CNTRL: variants seen among roughly 807,000 people sequenced by gnomAD.
CNTRL encodes the protein 110 kDa centrosomal protein.
Under a neutral mutation model 303.7 loss-of-function variants are expected in CNTRL, and 233 were observed. That is an observed-to-expected ratio of 0.77 (90% CI 0.69 to 0.86). CNTRL has a LOEUF of 0.86. Ranked by LOEUF, CNTRL falls within the 40% of genes least tolerant of loss-of-function variation. The pLI is 0.00. For missense variants in CNTRL, 2,524 were observed against 2,650.6 expected, an observed-to-expected ratio of 0.95 and a Z score of 1.05; for synonymous variants, 900 against 922.2, an observed-to-expected ratio of 0.98 and a Z score of 0.44.
intron 26 of CNTRL, among the ~76,000 whole-genome samples, chr9:121,153,590 C>T (rs1435576364): frequency 6.6e-6 from 1 of 152,150 alleles, no homozygotes; most frequent in African/African-American, 2.4e-5. Flanking sequence ...CTGGGGAGCC[C>T]AGGAGCTCCT....
intron 23 of CNTRL, among the ~76,000 whole-genome samples, chr9:121,147,051 G>A (rs891194529): frequency 2.6e-5 from 4 of 152,216 alleles, no homozygotes; most frequent in Non-Finnish European, 5.9e-5. Flanking sequence ...CCCCCAGGCT[G>A]GAGTGCAGTG....
chr9:121,115,693 T>C (rs1325600505), intron 11 of CNTRL, among the ~76,000 whole-genome samples: 2 of 152,220 alleles, frequency 1.3e-5, no homozygotes, highest in Non-Finnish European at 2.9e-5. Flanking sequence ...ATGATGTAAT[T>C]GCATAGGGGC....
At position 121,151,387 on chromosome 9, in the gene CNTRL, C is replaced by CT. The variant is rs71370632; in HGVS notation, c.3963+925dup. Among the ~76,000 whole-genome samples, 326 of 90,414 alleles carry CT rather than the reference C, an allele frequency of 3.6e-3. 6 individuals carry two copies. Among genetic ancestry groups the CT allele is most frequent in the African/African-American group, 8.3e-3 (204 of 24,520 alleles). The allele number at this position is 90,414 out of a possible 152,430, so 59.3% of individuals were successfully genotyped here. ...TACTTCCTTTTTCTTTTTTCTTCTTCTTTTTTTTTTTTTTTTTTTTTGAGA... is the reference window on the plus strand; with the variant it reads ...TACTTCCTTTTTCTTTTTTCTTCTTCTTTTTTTTTTTTTTTTTTTTTTGAGA... On this transcript the variant is annotated intron_variant, in intron 25 of 43. Coordinates refer to ENST00000373855, the MANE Select transcript of CNTRL (RefSeq NM_007018.6).
intron 12 of CNTRL, chr9:121,121,825 G>C: frequency 4.1e-6 from 4 of 985,438 alleles, no homozygotes; most frequent in Non-Finnish European, 4.8e-6. Flanking sequence ...GCTCGGAGGC[G>C]CTTGCAAAAA....
intron 43 of CNTRL, among the ~76,000 whole-genome samples, chr9:121,175,682 C>G (rs1303884169): frequency 6.6e-6 from 1 of 152,174 alleles, no homozygotes; most frequent in African/African-American, 2.4e-5. Context: ...GCCTTCAACT[C>G]TCTGAAAAAC....
In CNTRL at chr9:121,138,683, G is replaced by A. The variant is rs943432433; in HGVS notation, c.2337+4G>A. The A allele has an allele frequency of 1.9e-6, 3 of 1,612,606 alleles. No individual in the cohort carries two copies. The highest frequency in any genetic ancestry group is 2.5e-6 in the Non-Finnish European group (3 of 1,179,402). ...TGCAAAACTTAAACACTTGCAGGTA[G>A]AGATTTGTTGTTTTAGAATACATTC... On this transcript the variant is annotated splice_donor_region_variant and intron_variant, in intron 16 of 43. Transcript: ENST00000373855.
At chr9:121,119,059 ATG>A (rs911748208) in intron 12 of CNTRL, among the ~76,000 whole-genome samples, 20 of 147,976 alleles carry the variant, frequency 1.4e-4, no homozygotes, top group African/African-American at 4.4e-4. Context: ...GTGTATATAT[ATG>A]TGTATTATAC....
chr9:121,077,651 G>A (rs1462431670), intron 1 of CNTRL, among the ~76,000 whole-genome samples: 1 of 152,156 alleles, frequency 6.6e-6, no homozygotes, highest in East Asian at 1.9e-4. Context: ...TCATTAGGAT[G>A]TAAAAACTAC....
intron 7 of CNTRL, among the ~76,000 whole-genome samples, chr9:121,102,935 G>T (rs1411195874): frequency 6.6e-6 from 1 of 152,168 alleles, no homozygotes. Flanking sequence ...CATGCTCGTG[G>T]ATAGGAAGAA....
intron 1 of CNTRL, among the ~76,000 whole-genome samples, chr9:121,079,074 A>C (rs1365000513): frequency 2.0e-5 from 3 of 152,204 alleles, no homozygotes; most frequent in Non-Finnish European, 4.4e-5. Flanking sequence ...AGCTGCCTAG[A>C]GGTGGCTAGC....
At position 121,150,357 on chromosome 9, in the gene CNTRL, C is replaced by G; in HGVS notation, c.3837C>G (p.Gly1279=). The change falls in exon 25 of 44, where the codon GGC becomes GGG. Residue 1279 remains glycine, a synonymous_variant. Transcript: ENST00000373855. ...ACAATAGCCGACCTCTCACCCCTGGCACTGTTGTTTATGGCCCACCTCCTG... is the reference window on the plus strand; with the variant it reads ...ACAATAGCCGACCTCTCACCCCTGGGACTGTTGTTTATGGCCCACCTCCTG... ...LPNNSRPLTP[G]TVVYGPPPAG... 6.2e-7 allele frequency: 1 copy of G among 1,614,184 alleles called. No individual in the cohort carries two copies. Among genetic ancestry groups the G allele is most frequent in the Admixed American group, 1.7e-5 (1 of 60,032 alleles).
intron 25 of CNTRL, 71 bp downstream of exon 25, chr9:121,150,554 T>C: frequency 3.6e-6 from 5 of 1,401,536 alleles, no homozygotes; most frequent in Non-Finnish European, 5.0e-6. Context: ...ATATACTTAA[T>C]GAGTTGACCT....
intron 11 of CNTRL, among the ~76,000 whole-genome samples, chr9:121,117,861 C>G (rs2050050914): frequency 6.6e-6 from 1 of 151,990 alleles, no homozygotes; most frequent in African/African-American, 2.4e-5. Context: ...CGCCTATAGT[C>G]CCAGCTACTC....
chr9:121,124,489 A>G lies in CNTRL; in HGVS notation c.1804+405A>G, dbSNP rs527971857. Among the ~76,000 whole-genome samples the G allele has an allele frequency of 3.3e-5, 5 of 152,342 alleles. No homozygotes were observed. The East Asian group carries it at 9.6e-4, about 29-fold the overall frequency. ...TGCTGATTTAAACTGCGACATATCC[A>G]TAATAGTGGAAAAGGAAGACAATAG... On this transcript the variant is annotated intron_variant, in intron 13 of 43. Coordinates refer to ENST00000373855, the MANE Select transcript of CNTRL (RefSeq NM_007018.6).
chr9:121,135,031 T>C (rs1015865328), intron 14 of CNTRL, among the ~76,000 whole-genome samples: 4 of 152,272 alleles, frequency 2.6e-5, no homozygotes, highest in Non-Finnish European at 4.4e-5. Flanking sequence ...AATTCTTTTG[T>C]AGAAGTTCTC....
chr9:121,075,156 C>T, intron 1 of CNTRL, 89 bp downstream of exon 1: 1 of 348,526 alleles, frequency 2.9e-6, no homozygotes, highest in Non-Finnish European at 5.7e-6. Context: ...CCGGACCGGG[C>T]GTGGTGTGGG....
chr9:121,102,767 G>C (rs1443682145), intron 7 of CNTRL, among the ~76,000 whole-genome samples: 1 of 152,162 alleles, frequency 6.6e-6, no homozygotes, highest in East Asian at 1.9e-4. Context: ...GACAGACAGA[G>C]AGCAGAATCA....
intron 12 of CNTRL, among the ~76,000 whole-genome samples, chr9:121,119,369 C>T (rs1166307721): frequency 6.7e-6 from 1 of 149,870 alleles, no homozygotes; most frequent in Non-Finnish European, 1.5e-5. Flanking sequence ...AATCTCCGCT[C>T]ACTGCAACCT....
At chr9:121,121,785 T>C (rs938316038) in intron 12 of CNTRL, 2 of 985,306 alleles carry the variant, frequency 2.0e-6, no homozygotes, top group Non-Finnish European at 2.4e-6. Context: ...TGGCCAAGAA[T>C]GTGGTTTGAG....
Sources: gnomAD v4.1 joint callset for allele counts (sites outside exome capture counted in the v4.1 genomes callset) on GRCh38, gnomAD v4.1.1 for gene constraint, MANE v1.5 for transcripts, NCBI Gene and HGNC (gene_info 2026-07-23, HGNC 2026-07-21) for gene names.